Variants in PACS1 observed in about 807,000 individuals in gnomAD.
The protein encoded by PACS1 is PACS-1.
PACS1 carries 24 observed loss-of-function variants against 115.0 expected under a neutral mutation model. The ratio of observed to expected loss-of-function variants is 0.21; its 90% confidence interval spans 0.15 to 0.29. The LOEUF is 0.29. PACS1 is among the 10% of genes least tolerant of loss of function. PACS1 has a pLI of 1.00. For missense variants in PACS1, 838 were observed against 1,251.2 expected (o/e 0.67, Z 4.98); for synonymous variants, 453 against 504.5 (o/e 0.90, Z 1.37).
At chr11:66,154,618 A>G (rs1037044496) in intron 1 of PACS1, among the ~76,000 whole-genome samples, 2 of 152,238 alleles carry the variant, frequency 1.3e-5, no homozygotes, top group African/African-American at 4.8e-5. Flanking sequence ...TCCACTTGCC[A>G]TATCATCCAA....
chr11:66,133,758 A>G (rs1028343058), intron 1 of PACS1, among the ~76,000 whole-genome samples: 7 of 151,662 alleles, frequency 4.6e-5, no homozygotes, highest in African/African-American at 1.7e-4. Flanking sequence ...TCCTATCTCA[A>G]CCCCCCAAAG....
chr11:66,188,431 ATGGTTTTCTCGAGTAAC>A (rs1173868354), intron 1 of PACS1, among the ~76,000 whole-genome samples: 1 of 152,104 alleles, frequency 6.6e-6, no homozygotes, highest in Non-Finnish European at 1.5e-5. Context: ...CAACTACCAA[ATGGTTTTCTCGAGTAAC>A]TGTACCATTT....
At chr11:66,114,417 C>CAAAA in intron 1 of PACS1, among the ~76,000 whole-genome samples, 1 of 132,152 alleles carries the variant, frequency 7.6e-6, no homozygotes, top group Admixed American at 7.6e-5. Context: ...GACTCCGCCT[C>CAAAA]AAAAAAAAAA....
At chr11:66,216,338 GA>G (rs2134710758) in intron 5 of PACS1, 75 bp downstream of exon 5, 1 of 1,572,746 alleles carries the variant, frequency 6.4e-7, no homozygotes, top group African/African-American at 1.4e-5. Context: ...GACAGTGCCT[GA>G]GATGTTCCTG....
chr11:66,120,836 T>C (rs1858420613), intron 1 of PACS1, among the ~76,000 whole-genome samples: 2 of 152,206 alleles, frequency 1.3e-5, no homozygotes, highest in Non-Finnish European at 2.9e-5. Flanking sequence ...CTGCTAGAAC[T>C]CCTCACTTCC....
intron 3 of PACS1, 56 bp from the exon 4 acceptor site, chr11:66,211,078 C>G: frequency 6.3e-7 from 1 of 1,596,062 alleles, no homozygotes; most frequent in East Asian, 2.2e-5. Flanking sequence ...CCTCCAGAAC[C>G]CCTCAAGGAC....
At chr11:66,228,591 C>T (rs1855513929) in intron 11 of PACS1, among the ~76,000 whole-genome samples, 1 of 152,148 alleles carries the variant, frequency 6.6e-6, no homozygotes, top group African/African-American at 2.4e-5. Flanking sequence ...TAAAACTCTT[C>T]AGTGATTGGC....
At chr11:66,234,012 C>A in intron 16 of PACS1, 73 bp downstream of exon 16, 6 of 1,571,244 alleles carry the variant, frequency 3.8e-6, no homozygotes, top group Non-Finnish European at 5.2e-6. Flanking sequence ...TGGAACAGGA[C>A]GGTGGGGTTG....
chr11:66,204,716 T>C (rs954511686), intron 2 of PACS1, among the ~76,000 whole-genome samples: 2 of 152,144 alleles, frequency 1.3e-5, no homozygotes, highest in African/African-American at 4.8e-5. Flanking sequence ...AGACATACTT[T>C]GAATGTTCTC....
At chr11:66,199,607 A>G (rs1181783294) in intron 2 of PACS1, among the ~76,000 whole-genome samples, 1 of 152,198 alleles carries the variant, frequency 6.6e-6, no homozygotes, top group Non-Finnish European at 1.5e-5. Context: ...AAGACCACAA[A>G]ACAACCAGAA....
Position 66,070,704 on chromosome 11 carries a change from C to A in PACS1, c.218C>A (p.Ser73Tyr). Residue 73 changes from serine (S) to tyrosine (Y), a missense_variant, in exon 1 of 24, where the codon TCC becomes TAC. This residue lies in a region of PACS1 where 129 missense variants were observed against 109.4 expected (regional missense o/e 1.18). Coordinates refer to ENST00000320580, the MANE Select transcript of PACS1 (RefSeq NM_018026.4). The surrounding 1 kb of genome is among the most constrained non-coding windows in gnomAD (Gnocchi z 5.9). ...GCCTCCTCCTCGTCCTCGTCTACCT[C>A]CACCTCCATGGCCGTGGCGGTGGCC... ...AAASSSSSST[S>Y]TSMAVAVASG... 1.3e-6 allele frequency: 2 copies of A among 1,580,236 alleles called. No individual in the cohort carries two copies. The highest frequency in any genetic ancestry group is 8.5e-7 in the Non-Finnish European group (1 of 1,170,786).
intron 1 of PACS1, among the ~76,000 whole-genome samples, chr11:66,140,864 A>G (rs1858963875): frequency 6.6e-6 from 1 of 152,084 alleles, no homozygotes. Flanking sequence ...TTGTTTTTTC[A>G]TGAAAAAATT....
In PACS1 at chr11:66,169,851, T is replaced by C. The variant is rs948971331; in HGVS notation, c.357-23635T>C. On this transcript the variant is annotated intron_variant, in intron 1 of 23. Transcript: ENST00000320580. The stretch of plus-strand genomic sequence containing the variant: ...TAATTTTATGAAATGAATTGGAAAG[T>C]GTTTCCTCCTTTTGATCCTCTGGAA... Among the ~76,000 whole-genome samples the C allele has an allele frequency of 3.3e-5, 5 of 150,518 alleles. 1 individual carries two copies. The highest frequency in any genetic ancestry group is 1.3e-4 in the African/African-American group (5 of 39,852).
intron 1 of PACS1, among the ~76,000 whole-genome samples, chr11:66,121,233 C>T (rs909926126): frequency 1.3e-5 from 2 of 152,052 alleles, no homozygotes; most frequent in Non-Finnish European, 2.9e-5. Context: ...TGCCATGAAC[C>T]GCATCCGTGC....
intron 1 of PACS1, among the ~76,000 whole-genome samples, chr11:66,113,523 C>A (rs955858962): frequency 6.6e-6 from 1 of 152,126 alleles, no homozygotes; most frequent in Admixed American, 6.6e-5. Flanking sequence ...ACTTTTACAA[C>A]GTAACAAGCA....
intron 1 of PACS1, among the ~76,000 whole-genome samples, chr11:66,118,535 CT>C (rs1282198928): frequency 1.3e-5 from 2 of 152,036 alleles, no homozygotes; most frequent in African/African-American, 4.8e-5. Flanking sequence ...TCACTTGAGC[CT>C]GGGAAGTCAA....
intron 1 of PACS1, among the ~76,000 whole-genome samples, chr11:66,131,493 G>A (rs901193416): frequency 6.6e-6 from 1 of 152,282 alleles, no homozygotes. Flanking sequence ...AAATGTTTCA[G>A]ATGTCTTCTT....
At position 66,233,838 on chromosome 11, in the gene PACS1, G is replaced by A. The variant is rs1186640090; in HGVS notation, c.1892G>A (p.Gly631Asp). Reference sequence around the variant, plus strand: ...CCAGTGAAGGTGGCTGCTGTGGGAGGCCAGAGCTACCTGAGCTCCATCCTC... The same window carrying A: ...CCAGTGAAGGTGGCTGCTGTGGGAGACCAGAGCTACCTGAGCTCCATCCTC... ...PRPVKVAAVG[G>D]QSYLSSILRF... Residue 631 changes from glycine to aspartate, a missense_variant, in exon 16 of 24, where the codon GGC becomes GAC. Coordinates refer to ENST00000320580, the MANE Select transcript of PACS1 (RefSeq NM_018026.4). This position sits in a 1 kb window ranked among gnomAD's most constrained non-coding sequence, Gnocchi z 4.5. 2 of 1,613,404 alleles carry A rather than the reference G, an allele frequency of 1.2e-6. No individual in the cohort carries two copies. The highest frequency in any genetic ancestry group is 1.1e-5 in the South Asian group (1 of 90,996).
At chr11:66,146,078 AATTT>A (rs1468108537) in intron 1 of PACS1, among the ~76,000 whole-genome samples, 16 of 152,298 alleles carry the variant, frequency 1.1e-4, no homozygotes, top group African/African-American at 3.9e-4. Context: ...TTATGTCTGT[AATTT>A]ATTATGGTTA....
Sources: gnomAD v4.1 joint callset for allele counts (sites outside exome capture counted in the v4.1 genomes callset) on GRCh38, gnomAD v4.1.1 for gene constraint, gnomAD v4.1.1 regional missense constraint, Gnocchi (gnomAD v3.1) non-coding constraint, MANE v1.5 for transcripts, NCBI Gene and HGNC (gene_info 2026-07-23, HGNC 2026-07-21) for gene names.